Variants in GPC3 observed in about 807,000 individuals in gnomAD.
GPC3 encodes glypican 3, also known as glypican-3.
A neutral mutation model predicts 34.4 loss-of-function variants in GPC3; 3 were observed. That is an observed-to-expected ratio of 0.09 (90% CI 0.04 to 0.23). The LOEUF is 0.23. GPC3 is among the 10% of genes least tolerant of loss of function. The pLI, the probability that GPC3 is intolerant of heterozygous loss-of-function variation, is 1.00. For synonymous variants in GPC3, 177 were observed against 174.0 expected (o/e 1.02, Z -0.13); for missense variants, 351 against 445.6 (o/e 0.79, Z 1.91).
intron 5 of GPC3, among the ~76,000 whole-genome samples, chrX:133,672,489 T>C (rs1236400054): frequency 1.8e-5 from 2 of 111,597 alleles, no homozygotes; most frequent in East Asian, 5.7e-4. Flanking sequence ...AGCTCAGTAA[T>C]CGGGGGTGGG....
At chrX:133,539,248 G>A (rs1391745861) in intron 7 of GPC3, among the ~76,000 whole-genome samples, 2 of 111,294 alleles carry the variant, frequency 1.8e-5, no homozygotes, top group East Asian at 2.8e-4. Flanking sequence ...TTACACAGCT[G>A]GTATGGGGTA....
At chrX:133,843,470 C>A (rs1421528613) in intron 2 of GPC3, among the ~76,000 whole-genome samples, 1 of 111,568 alleles carries the variant, frequency 9.0e-6, no homozygotes, top group Non-Finnish European at 1.9e-5. Context: ...GAGGCCCTCA[C>A]CAGAAGCAAA....
chrX:133,606,527 T>C (rs7055287), intron 6 of GPC3, among the ~76,000 whole-genome samples: 5,469 of 111,976 alleles, frequency 0.049, 355 homozygotes, highest in African/African-American at 0.17. Flanking sequence ...GCTAAAGCAA[T>C]CCTCCTGCCT....
intron 3 of GPC3, among the ~76,000 whole-genome samples, chrX:133,710,085 T>C (rs779204821): frequency 8.9e-6 from 1 of 112,232 alleles, no homozygotes; most frequent in African/African-American, 3.2e-5. Context: ...TCACTAATAA[T>C]CTGTAATGTA....
At chrX:133,734,682 T>A (rs1261748318) in intron 3 of GPC3, among the ~76,000 whole-genome samples, 2 of 111,645 alleles carry the variant, frequency 1.8e-5, no homozygotes, top group African/African-American at 6.5e-5. Context: ...TTGCAGATAA[T>A]GTTATCTTGT....
intron 6 of GPC3, among the ~76,000 whole-genome samples, chrX:133,655,479 CACACACACACACACACACACACACACCCA>C (rs1569406893): frequency 1.1e-5 from 1 of 95,013 alleles, no homozygotes; most frequent in Non-Finnish European, 2.0e-5. Flanking sequence ...CACACACCCA[CACACACACACACACACACACACACACCCA>C]CACACACACA....
At chrX:133,779,391 C>T (rs1374950354) in intron 2 of GPC3, among the ~76,000 whole-genome samples, 1 of 111,979 alleles carries the variant, frequency 8.9e-6, no homozygotes, top group Admixed American at 9.5e-5. Flanking sequence ...CAGAACACAA[C>T]CTTTCCAATC....
intron 2 of GPC3, among the ~76,000 whole-genome samples, chrX:133,847,727 A>G (rs748956883): frequency 8.9e-6 from 1 of 112,258 alleles, no homozygotes; most frequent in Non-Finnish European, 1.9e-5. Flanking sequence ...CTTACAGAAA[A>G]TAAGTGCAAT....
chrX:133,618,134 A>T (rs1017350919), intron 6 of GPC3, among the ~76,000 whole-genome samples: 2 of 112,138 alleles, frequency 1.8e-5, no homozygotes, highest in African/African-American at 6.5e-5. Context: ...GATTAGAAAA[A>T]ATCTATTCAG....
chrX:133,884,381 AAGAT>A (rs1246347893), intron 2 of GPC3, among the ~76,000 whole-genome samples: 1 of 111,720 alleles, frequency 9.0e-6, no homozygotes, highest in Non-Finnish European at 1.9e-5. Flanking sequence ...TTGCAAGAAA[AAGAT>A]AGCTAGCTCA....
intron 7 of GPC3, among the ~76,000 whole-genome samples, chrX:133,562,876 G>A (rs1408490255): frequency 8.4e-5 from 6 of 71,432 alleles, no homozygotes; most frequent in African/African-American, 3.3e-4. Flanking sequence ...TACTAGCCAT[G>A]TGACCACAGT....
chrX:133,862,786 G>A (rs1490178455), intron 2 of GPC3, among the ~76,000 whole-genome samples: 4 of 112,476 alleles, frequency 3.6e-5, no homozygotes, highest in South Asian at 3.6e-4. Context: ...ACATATGGTC[G>A]TGCCTTGCAC....
chrX:133,624,329 C>G (rs906765939), intron 6 of GPC3, among the ~76,000 whole-genome samples: 2 of 110,828 alleles, frequency 1.8e-5, no homozygotes, highest in Non-Finnish European at 3.8e-5. Context: ...TGAAGGAGAT[C>G]GAGACACAAA....
intron 4 of GPC3, among the ~76,000 whole-genome samples, chrX:133,698,626 T>C (rs1326983395): frequency 8.9e-6 from 1 of 112,180 alleles, no homozygotes; most frequent in African/African-American, 3.2e-5. Context: ...AATTATCATA[T>C]TTTTAACCAC....
intron 6 of GPC3, among the ~76,000 whole-genome samples, chrX:133,601,090 C>T (rs2069975911): frequency 1.8e-5 from 2 of 111,973 alleles, no homozygotes; most frequent in Admixed American, 9.5e-5. Flanking sequence ...GTGCACAAGG[C>T]CCTTCACATT....
At chrX:133,654,245 C>T (rs1037734390) in intron 6 of GPC3, among the ~76,000 whole-genome samples, 3 of 110,978 alleles carry the variant, frequency 2.7e-5, no homozygotes, top group African/African-American at 9.9e-5. Context: ...TGATTCCACA[C>T]TTAGGGAGTT....
chrX:133,869,176 A>C (rs1229052100), intron 2 of GPC3, among the ~76,000 whole-genome samples: 1 of 111,618 alleles, frequency 9.0e-6, no homozygotes, highest in Non-Finnish European at 1.9e-5. Context: ...GTAGAGGAAA[A>C]GTTACCATAG....
chrX:133,766,698 C>T (rs781382283), intron 2 of GPC3, among the ~76,000 whole-genome samples: 44 of 111,966 alleles, frequency 3.9e-4, no homozygotes, highest in Non-Finnish European at 7.0e-4. Flanking sequence ...ACGAGGTAAC[C>T]GAAACTAAGA....
chrX:133,728,914 CT>C (rs1032251348), intron 3 of GPC3, among the ~76,000 whole-genome samples: 1 of 111,833 alleles, frequency 8.9e-6, no homozygotes, highest in African/African-American at 3.3e-5. Flanking sequence ...CTATATCCCC[CT>C]AATAGTCTAA....
Sources: gnomAD v4.1 joint callset for allele counts (sites outside exome capture counted in the v4.1 genomes callset) on GRCh38, gnomAD v4.1.1 for gene constraint, MANE v1.5 for transcripts, NCBI Gene and HGNC (gene_info 2026-07-23, HGNC 2026-07-21) for gene names.